The following POTEB3 variants were observed in gnomAD, a reference collection of about 807,000 sequenced individuals.
POTEB3 encodes ANKRD26-like family B member 1.
A neutral mutation model predicts 39.8 loss-of-function variants in POTEB3; 5 were observed. That is an observed-to-expected ratio of 0.13 (90% CI 0.07 to 0.26). The LOEUF (loss-of-function observed/expected upper bound fraction) is 0.26, where lower values mean the gene tolerates loss of function less well. Ranked by LOEUF, POTEB3 falls within the 10% of genes least tolerant of loss-of-function variation. POTEB3 has a pLI of 1.00. For missense variants in POTEB3, 24 were observed against 475.6 expected (o/e 0.05, Z 8.83); for synonymous variants, 5 against 161.5 (o/e 0.03, Z 7.35).
intron 9 of POTEB3, among the ~76,000 whole-genome samples, chr15:21,418,167 A>C (rs57793687): frequency 2.3e-4 from 18 of 76,680 alleles, no homozygotes; most frequent in Middle Eastern, 5.3e-3. Flanking sequence ...ACACAATTGC[A>C]CTCCAGCCTG....
intron 9 of POTEB3, among the ~76,000 whole-genome samples, chr15:21,414,366 C>T (rs1446927967): frequency 4.0e-5 from 5 of 124,932 alleles, no homozygotes; most frequent in Admixed American, 7.6e-5. Flanking sequence ...ACCAATTCAT[C>T]TTGACCAAAA....
chr15:21,413,506 T>TTATATATA (rs1160375320), intron 9 of POTEB3, among the ~76,000 whole-genome samples: 1 of 1,452 alleles, frequency 6.9e-4, no homozygotes, highest in Non-Finnish European at 9.5e-4. Flanking sequence ...ATAAAGAAAA[T>TTATATATA]TATATATATA....
In POTEB3 at chr15:21,434,428, G is replaced by GT. The variant is rs80170312; in HGVS notation, c.810+232dup. Among the ~76,000 whole-genome samples the GT allele has an allele frequency of 1.1e-3, 75 of 66,242 alleles. 3 individuals carry two copies. Among genetic ancestry groups the GT allele is most frequent in the African/African-American group, 4.2e-3 (51 of 12,270 alleles). 43.5% of individuals were successfully genotyped at this position (66,242 alleles called of 152,430 possible). On this transcript the variant is annotated intron_variant, in intron 3 of 10. Coordinates refer to ENST00000611217, the MANE Select transcript of POTEB3 (RefSeq NM_207355.5). ...AAGTATTACCTTTTACAAATTCCGT[G>GT]TTTTTTTTTTTTAAAAGCATTAACC... is the stretch of plus-strand genomic sequence containing the variant.
chr15:21,410,750 T>C lies in POTEB3; in HGVS notation c.1533+128A>G, dbSNP rs1316829379. On this transcript the variant is annotated intron_variant, in intron 10 of 10. Coordinates refer to ENST00000611217, the MANE Select transcript of POTEB3 (RefSeq NM_207355.5). The stretch of plus-strand genomic sequence containing the variant: ...GGGTGTGTGTGTGTGTGTGTATATA[T>C]ACACACACACAGACACACACACACG... The C allele has an allele frequency of 6.2e-3, 3,622 of 588,328 alleles. 1,043 individuals carry two copies. In the African/African-American group the frequency reaches 0.18, roughly 29 times the overall value. 36.4% of individuals were successfully genotyped at this position (588,328 alleles called of 1,614,324 possible).
intron 6 of POTEB3, among the ~76,000 whole-genome samples, chr15:21,422,740 C>T (rs1365647885): frequency 6.6e-6 from 1 of 151,332 alleles, no homozygotes; most frequent in African/African-American, 2.4e-5. Flanking sequence ...TTTACAAATG[C>T]ATATATTTTG....
intron 3 of POTEB3, among the ~76,000 whole-genome samples, chr15:21,433,200 A>G (rs1308099895): frequency 7.3e-5 from 11 of 151,274 alleles, no homozygotes; most frequent in Non-Finnish European, 1.5e-4. Flanking sequence ...GAATTTACAT[A>G]TTACACTTCT....
In POTEB3 at chr15:21,433,370, G is replaced by T. The variant is rs1190189346; in HGVS notation, c.810+1291C>A. Among the ~76,000 whole-genome samples, 59 of 150,252 alleles carry T rather than the reference G, an allele frequency of 3.9e-4. No individual in the cohort carries two copies. In the East Asian group the frequency reaches 9.8e-3, roughly 25 times the overall value. On this transcript the variant is annotated intron_variant, in intron 3 of 10. Coordinates refer to ENST00000611217, the MANE Select transcript of POTEB3 (RefSeq NM_207355.5). ...CCCTAGCAGCTGGGACTACAGCCATGCACCACCATGCCTGGCTTCAAGGAA... is the reference window on the plus strand; with the variant it reads ...CCCTAGCAGCTGGGACTACAGCCATTCACCACCATGCCTGGCTTCAAGGAA...
At chr15:21,433,933 C>G (rs1456898019) in intron 3 of POTEB3, among the ~76,000 whole-genome samples, 1 of 150,564 alleles carries the variant, frequency 6.6e-6, no homozygotes, top group Non-Finnish European at 1.5e-5. Context: ...TTACAACCCA[C>G]TAACTCCCTC....
intron 6 of POTEB3, among the ~76,000 whole-genome samples, chr15:21,426,598 A>G (rs1898722857): frequency 7.4e-6 from 1 of 135,518 alleles, no homozygotes; most frequent in Non-Finnish European, 1.6e-5. Flanking sequence ...CAGAAATGAA[A>G]TAGAGACACC....
In POTEB3 at chr15:21,407,847, G is replaced by T. The variant is rs1401578970; in HGVS notation, c.*1136C>A. ...GCTGGGCAATCTTGCACGTGAGATG[G>T]GGCTGGTCTGACCTCAGCACTCCTT... On this transcript the variant is annotated 3_prime_UTR_variant, in exon 11 of 11. Transcript: ENST00000611217. Among the ~76,000 whole-genome samples the T allele has an allele frequency of 1.4e-5, 1 of 72,398 alleles. No homozygotes were observed. The highest frequency in any genetic ancestry group is 2.4e-5 in the Non-Finnish European group (1 of 41,282). The allele number at this position is 72,398 out of a possible 152,430, so 47.5% of individuals were successfully genotyped here. A position where few individuals can be genotyped will look rare whatever the true frequency, so the allele number is the denominator to read the frequency against.
intron 6 of POTEB3, chr15:21,425,433 T>C (rs1279608375): frequency 3.8e-4 from 42 of 110,656 alleles, no homozygotes; most frequent in Admixed American, 5.2e-4. Flanking sequence ...TCAAATTTAA[T>C]CTTGTAACTC....
intron 10 of POTEB3, among the ~76,000 whole-genome samples, chr15:21,410,028 T>C (rs1371790664): frequency 3.1e-5 from 3 of 96,574 alleles, no homozygotes; most frequent in Non-Finnish European, 5.7e-5. Flanking sequence ...GTGCAAGATT[T>C]TTGCCAGGTC....
In POTEB3 at chr15:21,419,469, A is replaced by T; in HGVS notation, c.1404T>A (p.Tyr468Ter). ...GTTATCTCCTATAGGCTTACCTGTG[A>T]TACTCTTCATTCTCAGTGTCAGGAA... is the stretch of plus-strand genomic sequence containing the variant. ...QQFPDTENEE[Y>*]HSDEQNDTQK... is the part of the protein sequence containing the mutation. The change falls in exon 9 of 11, where the codon TAT (tyrosine) becomes TAA (stop). Residue 468 changes from tyrosine (Y) to a stop codon, truncating the protein, a stop_gained. Coordinates refer to ENST00000611217, the MANE Select transcript of POTEB3 (RefSeq NM_207355.5). LOFTEE classifies it high-confidence loss of function. 1.3e-6 allele frequency: 1 copy of T among 765,098 alleles called. No individual in the cohort carries two copies. Among genetic ancestry groups the T allele is most frequent in the Non-Finnish European group, 1.8e-6 (1 of 549,974 alleles). The allele number at this position is 765,098 out of a possible 1,614,324, so 47.4% of individuals were successfully genotyped here. A position where few individuals can be genotyped will look rare whatever the true frequency, so the allele number is the denominator to read the frequency against.
rs1898457719 is a variant in POTEB3, at chr15:21,419,664, C to T, written c.1243-34G>A. On this transcript the variant is annotated intron_variant, in intron 8 of 10. Coordinates refer to ENST00000611217, the MANE Select transcript of POTEB3 (RefSeq NM_207355.5). ...GAAGTTTGATATTAAGGATGGTTAT[C>T]ACTTTATTGAATAAAAATAACCTTT... 3 of 441,518 alleles carry T rather than the reference C, an allele frequency of 6.8e-6. No homozygotes were observed. The East Asian group carries it at 1.3e-4, about 19-fold the overall frequency. 27.4% of individuals were successfully genotyped at this position (441,518 alleles called of 1,614,324 possible).
chr15:21,434,191 A>T (rs1291235434), intron 3 of POTEB3, among the ~76,000 whole-genome samples: 1 of 140,670 alleles, frequency 7.1e-6, no homozygotes, highest in African/African-American at 2.8e-5. Flanking sequence ...ATGAGCAATC[A>T]GAAATATCTT....
rs1200037996 is a variant in POTEB3 at position 21,413,886 on chromosome 15, C to T, written c.1410-2885G>A. Among the ~76,000 whole-genome samples, 5 of 73,742 alleles carry T rather than the reference C, an allele frequency of 6.8e-5. 1 individual carries two copies. The highest frequency in any genetic ancestry group is 2.5e-4 in the African/African-American group (2 of 7,894). 48.4% of individuals were successfully genotyped at this position (73,742 alleles called of 152,430 possible). On this transcript the variant is annotated intron_variant, in intron 9 of 10. Transcript: ENST00000611217. ...ATGAGATTTGGGTGGAAACACAAAGCGAAACTATTGGGGGGGGGTGTATCC... is the reference window on the plus strand; with the variant it reads ...ATGAGATTTGGGTGGAAACACAAAGTGAAACTATTGGGGGGGGGTGTATCC...
chr15:21,430,954 C>A (rs1193155124), intron 4 of POTEB3, among the ~76,000 whole-genome samples: 1 of 151,756 alleles, frequency 6.6e-6, no homozygotes, highest in Admixed American at 6.5e-5. Flanking sequence ...TATTCTCCTA[C>A]TTTTCACATA....
intron 3 of POTEB3, among the ~76,000 whole-genome samples, chr15:21,434,057 ACAC>A (rs1899089902): frequency 2.0e-5 from 2 of 102,124 alleles, no homozygotes; most frequent in African/African-American, 5.1e-5. Flanking sequence ...ACACACACAC[ACAC>A]ACACAAACAA....
At chr15:21,422,772 T>C (rs1211606225) in intron 6 of POTEB3, among the ~76,000 whole-genome samples, 4 of 151,588 alleles carry the variant, frequency 2.6e-5, no homozygotes, top group African/African-American at 9.7e-5. Context: ...TTTCCCTCAA[T>C]GCAGCTGCAA....
Sources: gnomAD v4.1 joint callset for allele counts (sites outside exome capture counted in the v4.1 genomes callset) on GRCh38, gnomAD v4.1.1 for gene constraint, MANE v1.5 for transcripts, NCBI Gene and HGNC (gene_info 2026-07-23, HGNC 2026-07-21) for gene names.